Variants in QNG1 observed in about 807,000 individuals in gnomAD.
The protein encoded by QNG1 is queuosine 5'-phosphate N-glycosylase/hydrolase.
the QNG1 span, among the ~76,000 whole-genome samples, chr9:83,954,955 T>A: frequency 6.7e-6 from 1 of 149,308 alleles, no homozygotes; most frequent in East Asian, 2.0e-4. Context: ...CACAACACTT[T>A]GGGAGGCTGA....
the QNG1 span, among the ~76,000 whole-genome samples, chr9:83,943,846 C>A: frequency 4.3e-4 from 65 of 151,236 alleles, no homozygotes; most frequent in East Asian, 7.6e-3. Context: ...ACGGTGAAAC[C>A]CCGTTTCTGC....
chr9:83,941,341 TG>T, the QNG1 span, among the ~76,000 whole-genome samples: 1 of 152,186 alleles, frequency 6.6e-6, no homozygotes, highest in Non-Finnish European at 1.5e-5. Context: ...ACTTTGCAGA[TG>T]TAATCAGGTG....
the QNG1 span, among the ~76,000 whole-genome samples, chr9:83,943,846 C>G: frequency 6.6e-6 from 1 of 151,120 alleles, no homozygotes; most frequent in Non-Finnish European, 1.5e-5. Flanking sequence ...ACGGTGAAAC[C>G]CCGTTTCTGC....
At chr9:83,948,159 G>T in the QNG1 span, among the ~76,000 whole-genome samples, 1 of 150,978 alleles carries the variant, frequency 6.6e-6, no homozygotes, top group South Asian at 2.1e-4. Flanking sequence ...CCTCTGTCCG[G>T]CCGCGACCCC....
the QNG1 span, among the ~76,000 whole-genome samples, chr9:83,944,028 C>CAAACAAACAAACAAAA: frequency 2.1e-4 from 32 of 149,838 alleles, no homozygotes; most frequent in African/African-American, 6.9e-4. Context: ...CTCAAACAAA[C>CAAACAAACAAACAAAA]AAACATAAAG....
At chr9:83,954,879 CAAAAAAAAAAA>C in the QNG1 span, among the ~76,000 whole-genome samples, 1 of 47,028 alleles carries the variant, frequency 2.1e-5, no homozygotes, top group Non-Finnish European at 4.1e-5. Flanking sequence ...GAGTCCATCT[CAAAAAAAAAAA>C]AAAAAAAAAA....
At chr9:83,949,765 T>C in the QNG1 span, among the ~76,000 whole-genome samples, 1 of 151,606 alleles carries the variant, frequency 6.6e-6, no homozygotes, top group East Asian at 1.9e-4. Context: ...ATAGAAGCCA[T>C]TATCTGCTAT....
At chr9:83,939,025 A>G in the QNG1 span, 1 of 170,050 alleles carries the variant, frequency 5.9e-6, no homozygotes, top group Non-Finnish European at 1.3e-5. Context: ...CTAAGATTAT[A>G]CATATGAGCC....
At chr9:83,938,785 C>T in the QNG1 span, 1 of 151,758 alleles carries the variant, frequency 6.6e-6, no homozygotes, top group East Asian at 1.9e-4. Flanking sequence ...CATCTGTTGC[C>T]CAGGATAGAA....
the QNG1 span, chr9:83,956,817 G>A: frequency 3.4e-6 from 1 of 292,322 alleles, no homozygotes. Context: ...TCTGGAAACT[G>A]CTAAGGGTCC....
chr9:83,954,632 A>G, the QNG1 span, among the ~76,000 whole-genome samples: 4 of 151,598 alleles, frequency 2.6e-5, no homozygotes, highest in African/African-American at 9.7e-5. Flanking sequence ...CTGTAATCCC[A>G]GCACTTTGGG....
chr9:83,956,883 T>G, the QNG1 span: 121,657 of 176,524 alleles, frequency 0.69, 42,763 homozygotes, highest in African/African-American at 0.8. Context: ...TTGCCATGTT[T>G]TGCCTTTTCT....
the QNG1 span, chr9:83,939,530 A>T: frequency 6.2e-7 from 1 of 1,612,964 alleles, no homozygotes; most frequent in African/African-American, 1.3e-5. Context: ...TATGCAACGT[A>T]TGCGATGAAA....
At chr9:83,945,524 A>C in the QNG1 span, among the ~76,000 whole-genome samples, 1 of 152,186 alleles carries the variant, frequency 6.6e-6, no homozygotes. Context: ...CAATTTATGT[A>C]ATCTTGATAC....
chr9:83,952,096 C>G, the QNG1 span, among the ~76,000 whole-genome samples: 2 of 152,288 alleles, frequency 1.3e-5, no homozygotes, highest in East Asian at 3.9e-4. Flanking sequence ...AAGCGATCCT[C>G]CTGCCTCAGC....
the QNG1 span, chr9:83,939,465 G>T: frequency 8.0e-7 from 1 of 1,250,094 alleles, no homozygotes. Context: ...CAGATGATAT[G>T]ATATAAAACG....
At chr9:83,951,052 A>G in the QNG1 span, among the ~76,000 whole-genome samples, 1 of 151,996 alleles carries the variant, frequency 6.6e-6, no homozygotes. Flanking sequence ...TGGGCAGATC[A>G]CCCGAAGTCA....
the QNG1 span, among the ~76,000 whole-genome samples, chr9:83,948,702 G>C: frequency 1.3e-5 from 2 of 152,240 alleles, no homozygotes; most frequent in South Asian, 2.1e-4. Flanking sequence ...TACTGTGTCC[G>C]TGTAGAAAGA....
At chr9:83,955,328 A>G in the QNG1 span, 1 of 1,559,112 alleles carries the variant, frequency 6.4e-7, no homozygotes, top group Middle Eastern at 1.7e-4. Flanking sequence ...GAAGTAAAAG[A>G]GTTAACTCTG....
Sources: gnomAD v4.1 joint callset for allele counts (sites outside exome capture counted in the v4.1 genomes callset) on GRCh38, gnomAD v4.1.1 for gene constraint, MANE v1.5 for transcripts, NCBI Gene and HGNC (gene_info 2026-07-23, HGNC 2026-07-21) for gene names.